Variants in PDXDC1 observed in about 807,000 individuals in gnomAD.
PDXDC1 encodes pyridoxal dependent decarboxylase domain containing 1.
In PDXDC1, 42 loss-of-function variants were observed where a neutral mutation model predicts 100.1. The ratio of observed to expected loss-of-function variants is 0.42; its 90% confidence interval spans 0.33 to 0.54. The LOEUF is 0.54. Among genes scored for constraint, PDXDC1 ranks in the 20% least tolerant of loss-of-function variants. The pLI is 0.10. For synonymous variants in PDXDC1, 260 were observed against 371.7 expected (o/e 0.70, Z 3.46); for missense variants, 636 against 979.2 (o/e 0.65, Z 4.68).
intron 16 of PDXDC1, among the ~76,000 whole-genome samples, chr16:15,092,095 C>T (rs1456809353): frequency 6.6e-6 from 1 of 152,156 alleles, no homozygotes; most frequent in Non-Finnish European, 1.5e-5. Context: ...AGGAGAATTG[C>T]TTGAACCTGG....
chr16:14,998,108 T>C (rs909101975), intron 2 of PDXDC1, among the ~76,000 whole-genome samples: 1 of 152,298 alleles, frequency 6.6e-6, no homozygotes, highest in African/African-American at 2.4e-5. Context: ...TCAGGTCATA[T>C]AGAGCACCAA....
intron 6 of PDXDC1, among the ~76,000 whole-genome samples, chr16:15,008,015 T>G (rs1391625553): frequency 6.6e-6 from 1 of 152,280 alleles, no homozygotes; most frequent in Non-Finnish European, 1.5e-5. Context: ...GTTAACGGGG[T>G]GGATTGGTGG....
At chr16:15,102,392 G>C (rs2046587330) in intron 16 of PDXDC1, among the ~76,000 whole-genome samples, 1 of 152,084 alleles carries the variant, frequency 6.6e-6, no homozygotes, top group African/African-American at 2.4e-5. Context: ...GGAGGCAGGG[G>C]CTTGTGCCTG....
intron 16 of PDXDC1, chr16:15,083,447 A>G (rs1252821671): frequency 1.5e-5 from 24 of 1,597,770 alleles, no homozygotes; most frequent in Non-Finnish European, 8.5e-7. Context: ...AAAAGACCTA[A>G]TATCATCTAA....
chr16:15,129,385 G>A (rs1205650460), intron 16 of PDXDC1, among the ~76,000 whole-genome samples: 3 of 152,008 alleles, frequency 2.0e-5, no homozygotes, highest in Non-Finnish European at 2.9e-5. Context: ...GTTGCTGTGA[G>A]CCAAGATCAC....
intron 16 of PDXDC1, among the ~76,000 whole-genome samples, chr16:15,100,100 C>G (rs1312103264): frequency 6.6e-6 from 1 of 152,186 alleles, no homozygotes; most frequent in African/African-American, 2.4e-5. Flanking sequence ...GATGAGGTGA[C>G]AGTATACCAA....
chr16:15,034,313 C>G lies in PDXDC1; in HGVS notation c.1840C>G (p.Arg614Gly). The stretch of plus-strand genomic sequence containing the variant: ...TCTGGAAAACATGACAGAAGTGGTT[C>G]GGAAAGGCATTCAGGAAGCTCAAGT... Reference protein sequence around the residue: ...RLLENMTEVVRKGIQEAQVEL... With the variant: ...RLLENMTEVVGKGIQEAQVEL... The change falls in exon 20 of 23, where the codon CGG becomes GGG. Residue 614 changes from arginine to glycine, a missense_variant. Coordinates refer to ENST00000396410, the MANE Select transcript of PDXDC1 (RefSeq NM_015027.4). 6.2e-7 allele frequency: 1 copy of G among 1,613,182 alleles called. No individual in the cohort carries two copies. The highest frequency in any genetic ancestry group is 8.5e-7 in the Non-Finnish European group (1 of 1,179,888).
chr16:15,100,695 T>A (rs188775369), intron 16 of PDXDC1, among the ~76,000 whole-genome samples: 123 of 152,242 alleles, frequency 8.1e-4, no homozygotes, highest in African/African-American at 2.6e-3. Context: ...TATAAACAAG[T>A]CAGCTGGGAG....
At chr16:15,062,094 G>A (rs1042370723) in intron 16 of PDXDC1, among the ~76,000 whole-genome samples, 4 of 152,192 alleles carry the variant, frequency 2.6e-5, no homozygotes, top group African/African-American at 9.7e-5. Context: ...TGGGAGGACT[G>A]CTTGAGCTCA....
rs2046305472 is a variant in PDXDC1, at chr16:15,095,068, C to A, written c.1400-43811C>A. ...GGCCAGGCTGGTCTCGAACTCATGA[C>A]CTCAGGTCATCCGCCCGCCTCGGCC... On this transcript the variant is annotated intron_variant, in intron 16 of 16. Coordinates refer to the PDXDC1 transcript ENST00000535621. 2.0e-5 allele frequency among the ~76,000 whole-genome samples: 3 copies of A among 152,160 alleles called. No individual in the cohort carries two copies. In the South Asian group the frequency reaches 6.2e-4, roughly 32 times the overall value.
At chr16:15,019,950 A>T (rs1409953142) in intron 12 of PDXDC1, among the ~76,000 whole-genome samples, 1 of 152,228 alleles carries the variant, frequency 6.6e-6, no homozygotes, top group Non-Finnish European at 1.5e-5. Context: ...GTCTCTACTA[A>T]AAATACAAAA....
the PDXDC1 span, among the ~76,000 whole-genome samples, chr16:15,146,591 C>T: frequency 2.6e-5 from 4 of 152,234 alleles, no homozygotes; most frequent in East Asian, 3.9e-4. Context: ...CGCGGCCCTG[C>T]GCTGAAGGCA....
At chr16:15,132,294 G>C (rs1341779156) in intron 16 of PDXDC1, among the ~76,000 whole-genome samples, 1 of 22,242 alleles carries the variant, frequency 4.5e-5, no homozygotes, top group African/African-American at 1.5e-4. Flanking sequence ...GGAAGGTCTA[G>C]GGGAGGGGAG....
chr16:15,141,490 C>T (rs1031304408), downstream of PDXDC1, among the ~76,000 whole-genome samples: 6 of 152,184 alleles, frequency 3.9e-5, no homozygotes, highest in Non-Finnish European at 7.4e-5. Flanking sequence ...GTTGGGGGTG[C>T]AGTTCCCTTC....
At chr16:14,998,317 G>A in intron 2 of PDXDC1, 23 bp from the exon 3 acceptor site, 1 of 1,606,610 alleles carries the variant, frequency 6.2e-7, no homozygotes, top group South Asian at 1.1e-5. Flanking sequence ...CAAATGAACA[G>A]CTTTTTCTTT....
At chr16:15,088,859 G>A (rs2046007996) in intron 16 of PDXDC1, among the ~76,000 whole-genome samples, 1 of 152,086 alleles carries the variant, frequency 6.6e-6, no homozygotes, top group African/African-American at 2.4e-5. Flanking sequence ...AGATCTGGAA[G>A]TGTGGGAAAT....
chr16:15,147,293 A>G, the PDXDC1 span, among the ~76,000 whole-genome samples: 1 of 152,286 alleles, frequency 6.6e-6, no homozygotes, highest in Middle Eastern at 3.4e-3. Context: ...CTGTCTATAA[A>G]CCAGGGCACT....
chr16:15,091,626 G>A (rs2046133120), intron 16 of PDXDC1, among the ~76,000 whole-genome samples: 1 of 151,974 alleles, frequency 6.6e-6, no homozygotes, highest in Non-Finnish European at 1.5e-5. Flanking sequence ...TATAATAGTT[G>A]ATACTCCTGC....
At chr16:15,052,091 T>A (rs1378189504) in intron 16 of PDXDC1, among the ~76,000 whole-genome samples, 1 of 152,066 alleles carries the variant, frequency 6.6e-6, no homozygotes, top group Non-Finnish European at 1.5e-5. Flanking sequence ...CTTAACCCAG[T>A]GACCAGCAGA....
Sources: allele counts gnomAD v4.1 joint callset (sites outside exome capture counted in the v4.1 genomes callset), GRCh38; gene constraint gnomAD v4.1.1; transcripts MANE v1.5; gene names NCBI Gene and HGNC (gene_info 2026-07-23, HGNC 2026-07-21).